The following TSHZ2 variants were observed in gnomAD, a reference collection of about 807,000 sequenced individuals.
TSHZ2 encodes the protein teashirt zinc finger homeobox 2, also known as teashirt homolog 2.
TSHZ2 carries 21 observed loss-of-function variants against 74.4 expected under a neutral mutation model. The observed-to-expected ratio is 0.28, with a 90% CI of 0.20 to 0.41. The LOEUF is 0.41. TSHZ2 is among the 10% of genes least tolerant of loss of function. The probability of loss-of-function intolerance (pLI) is 1.00; values close to 1 mark genes in which losing one functional copy is unlikely to be tolerated. For synonymous variants in TSHZ2, 540 were observed against 515.3 expected, an observed-to-expected ratio of 1.05 and a Z score of -0.65; for missense variants, 1,244 against 1,293.5, an observed-to-expected ratio of 0.96 and a Z score of 0.59.
chr20:53,408,478 C>T (rs1282767432), intron 2 of TSHZ2, among the ~76,000 whole-genome samples: 1 of 152,060 alleles, frequency 6.6e-6, no homozygotes, highest in African/African-American at 2.4e-5. Flanking sequence ...GTAGGATAGG[C>T]AAGAAGGAGG....
intron 1 of TSHZ2, among the ~76,000 whole-genome samples, chr20:53,232,551 C>T (rs1020693435): frequency 7.2e-5 from 11 of 152,150 alleles, no homozygotes; most frequent in African/African-American, 2.7e-4. Flanking sequence ...AAACCCAAAT[C>T]ATTAAGTAAG....
At chr20:53,143,390 T>C (rs1186850132) in intron 1 of TSHZ2, among the ~76,000 whole-genome samples, 3 of 152,206 alleles carry the variant, frequency 2.0e-5, no homozygotes, top group African/African-American at 7.2e-5. Context: ...AAACACATTC[T>C]TCACAAAAAA....
At chr20:53,406,842 AG>A (rs1982871289) in intron 2 of TSHZ2, among the ~76,000 whole-genome samples, 2 of 152,176 alleles carry the variant, frequency 1.3e-5, no homozygotes, top group Admixed American at 1.3e-4. Context: ...GGCTCAGGGA[AG>A]GCCACATGGA....
At chr20:53,274,248 G>A (rs1426963939) in intron 2 of TSHZ2, among the ~76,000 whole-genome samples, 4 of 152,296 alleles carry the variant, frequency 2.6e-5, no homozygotes, top group East Asian at 1.9e-4. Flanking sequence ...CCAGCCTGGC[G>A]ACAGAGTGAG....
At chr20:53,432,964 C>T (rs919870536) in intron 2 of TSHZ2, among the ~76,000 whole-genome samples, 13 of 152,190 alleles carry the variant, frequency 8.5e-5, no homozygotes, top group African/African-American at 3.1e-4. Context: ...GAAGATGTCT[C>T]TGTGAGTCTT....
At chr20:53,169,534 T>C (rs536576352) in intron 1 of TSHZ2, among the ~76,000 whole-genome samples, 8 of 152,228 alleles carry the variant, frequency 5.3e-5, no homozygotes, top group Non-Finnish European at 1.0e-4. Flanking sequence ...CTTCCAGCTC[T>C]CTTTTTTAAC....
In TSHZ2 at chr20:53,296,280, C is replaced by T. The variant is rs142284393; in HGVS notation, c.*8+39709C>T. Among the ~76,000 whole-genome samples the T allele has an allele frequency of 7.9e-5, 12 of 152,228 alleles. No homozygotes were observed. In the East Asian group the frequency reaches 2.3e-3, roughly 29 times the overall value. ...CTTCACAATGCTGAGCTGCCCACTT[C>T]CTGACTTAAGGAAAAGACCAGATGT... is the stretch of plus-strand genomic sequence containing the variant. On this transcript the variant is annotated intron_variant, in intron 2 of 2. Coordinates refer to ENST00000371497, the MANE Select transcript of TSHZ2 (RefSeq NM_173485.6).
rs149492610 is a variant in TSHZ2, at chr20:53,359,998, A to G, written c.*8+103427A>G. 1.1e-3 allele frequency among the ~76,000 whole-genome samples: 161 copies of G among 152,328 alleles called. No individual in the cohort carries two copies. In the East Asian group the frequency reaches 0.029, roughly 28 times the overall value. On this transcript the variant is annotated intron_variant, in intron 2 of 2. Transcript: ENST00000371497. Reference sequence around the variant, plus strand: ...TCTGGAACTAATTGAAAGATTATCAACTTGGCAGCCAATCAGCTCCTACAT... The same window carrying G: ...TCTGGAACTAATTGAAAGATTATCAGCTTGGCAGCCAATCAGCTCCTACAT...
rs547237650 is a variant in TSHZ2, at chr20:53,163,454, TTA to T, written c.41-90043_41-90042del. Among the ~76,000 whole-genome samples, 1,115 of 145,868 alleles carry T rather than the reference TTA, an allele frequency of 7.6e-3. 17 individuals are homozygous for T. The highest frequency in any genetic ancestry group is 0.029 in the African/African-American group (1,077 of 36,706). ...GCCTTTTATTTTATTTTATTTTATT[TTA>T]TTTTTTTTTATTATACTCTAAGTTT... On this transcript the variant is annotated intron_variant, in intron 1 of 2. Transcript: ENST00000371497.
chr20:53,305,978 A>AG (rs1026932492), intron 2 of TSHZ2, among the ~76,000 whole-genome samples: 13 of 151,364 alleles, frequency 8.6e-5, no homozygotes, highest in Non-Finnish European at 1.3e-4. Flanking sequence ...ACTCTGTGAA[A>AG]AAAAAAAAAA....
At chr20:53,475,790 G>C (rs1363856975) in intron 2 of TSHZ2, among the ~76,000 whole-genome samples, 2 of 139,914 alleles carry the variant, frequency 1.4e-5, no homozygotes, top group South Asian at 4.7e-4. Flanking sequence ...AAAGAGAGAA[G>C]AATCAAATAG....
intron 1 of TSHZ2, among the ~76,000 whole-genome samples, chr20:53,181,849 G>A (rs1988477158): frequency 6.6e-6 from 1 of 152,158 alleles, no homozygotes; most frequent in African/African-American, 2.4e-5. Flanking sequence ...GATCAAACAG[G>A]AGAAAGAGAA....
chr20:53,039,131 C>T (rs1345907501), intron 1 of TSHZ2, among the ~76,000 whole-genome samples: 1 of 86,370 alleles, frequency 1.2e-5, no homozygotes, highest in Non-Finnish European at 2.0e-5. Flanking sequence ...GGTGATCCAC[C>T]CACTTCCACC....
intron 1 of TSHZ2, among the ~76,000 whole-genome samples, chr20:52,995,611 C>CGTT (rs776926510): frequency 2.9e-5 from 4 of 136,098 alleles, no homozygotes; most frequent in African/African-American, 5.6e-5. Context: ...TTTTTCTTTC[C>CGTT]TTTTTTTTTT....
At chr20:53,190,018 G>A (rs1988689309) in intron 1 of TSHZ2, among the ~76,000 whole-genome samples, 1 of 139,842 alleles carries the variant, frequency 7.2e-6, no homozygotes, top group African/African-American at 2.6e-5. Flanking sequence ...AGGGCAGGTT[G>A]AGGTTGCTAT....
At chr20:53,134,397 T>C (rs867149374) in intron 1 of TSHZ2, among the ~76,000 whole-genome samples, 1 of 152,268 alleles carries the variant, frequency 6.6e-6, no homozygotes, top group African/African-American at 2.4e-5. Context: ...ATATGTTTTT[T>C]TCTGACACTG....
At chr20:53,420,025 A>G (rs1021475522) in intron 2 of TSHZ2, among the ~76,000 whole-genome samples, 1 of 152,260 alleles carries the variant, frequency 6.6e-6, no homozygotes. Context: ...TTCACTGTTC[A>G]ACTAACCTTC....
chr20:53,003,309 A>G (rs1327969204), intron 1 of TSHZ2, among the ~76,000 whole-genome samples: 13 of 144,618 alleles, frequency 9.0e-5, no homozygotes, highest in African/African-American at 3.5e-4. Flanking sequence ...ATTTTTTCCT[A>G]AATATTAAGT....
chr20:53,018,887 G>T (rs756636264), intron 1 of TSHZ2, among the ~76,000 whole-genome samples: 1 of 152,066 alleles, frequency 6.6e-6, no homozygotes, highest in African/African-American at 2.4e-5. Context: ...CTGGATCTTC[G>T]TCCAATTTAA....
Sources: gnomAD v4.1 joint callset for allele counts (sites outside exome capture counted in the v4.1 genomes callset) on GRCh38, gnomAD v4.1.1 for gene constraint, MANE v1.5 for transcripts, NCBI Gene and HGNC (gene_info 2026-07-23, HGNC 2026-07-21) for gene names.